MTHFD1L: variants seen among roughly 807,000 people sequenced by gnomAD.
The protein encoded by MTHFD1L is methylenetetrahydrofolate dehydrogenase (NADP+ dependent) 1 like, also known as monofunctional C1-tetrahydrofolate synthase, mitochondrial.
A neutral mutation model predicts 119.5 loss-of-function variants in MTHFD1L; 81 were observed. That is an observed-to-expected ratio of 0.68 (90% confidence interval 0.57 to 0.82). The LOEUF is 0.82. MTHFD1L is among the 40% of genes least tolerant of loss of function. MTHFD1L has a pLI of 0.00. For synonymous variants in MTHFD1L, 430 were observed against 475.2 expected (o/e 0.90, Z 1.24); for missense variants, 1,125 against 1,253.4 (o/e 0.90, Z 1.55).
chr6:151,091,090 C>T (rs1447597524), intron 26 of MTHFD1L, among the ~76,000 whole-genome samples: 3 of 145,600 alleles, frequency 2.1e-5, no homozygotes, highest in Non-Finnish European at 3.0e-5. Flanking sequence ...CTGGGTGCAG[C>T]ATCGTTCCAT....
At chr6:150,883,951 A>C (rs1207172699) in intron 5 of MTHFD1L, among the ~76,000 whole-genome samples, 1 of 152,084 alleles carries the variant, frequency 6.6e-6, no homozygotes, top group African/African-American at 2.4e-5. Flanking sequence ...GCAATCTTCC[A>C]TTCTAGCCTT....
chr6:150,932,830 G>GAAGGAAGGAAGGAAGGAAGGAAA (rs1791353335), intron 11 of MTHFD1L, among the ~76,000 whole-genome samples: 1 of 100,700 alleles, frequency 9.9e-6, no homozygotes, highest in Admixed American at 1.0e-4. Context: ...AAGGAAGGAA[G>GAAGGAAGGAAGGAAGGAAGGAAA]GAAGGAAGGA....
At chr6:151,037,874 C>G (rs976516244) in intron 26 of MTHFD1L, among the ~76,000 whole-genome samples, 21 of 152,176 alleles carry the variant, frequency 1.4e-4, no homozygotes, top group Admixed American at 6.5e-5. Flanking sequence ...TTCTTACAAC[C>G]TAGCAGATCC....
At chr6:150,992,604 C>T (rs1377086711) in intron 20 of MTHFD1L, among the ~76,000 whole-genome samples, 1 of 152,172 alleles carries the variant, frequency 6.6e-6, no homozygotes, top group Admixed American at 6.5e-5. Flanking sequence ...AGGTTGAGGC[C>T]AGAGCCAAGA....
intron 20 of MTHFD1L, among the ~76,000 whole-genome samples, chr6:151,008,109 A>T (rs936235771): frequency 6.6e-5 from 10 of 152,214 alleles, no homozygotes; most frequent in African/African-American, 2.4e-4. Context: ...CATAGGCACA[A>T]ATATTTTCAG....
At chr6:150,945,576 A>T (rs1189883980) in intron 15 of MTHFD1L, 35 bp downstream of exon 15, 1 of 1,589,162 alleles carries the variant, frequency 6.3e-7, no homozygotes, top group Non-Finnish European at 8.6e-7. Context: ...TAAAAAGAAA[A>T]TATCGTAGAA....
chr6:151,020,268 G>T (rs534379978), intron 24 of MTHFD1L, among the ~76,000 whole-genome samples: 2 of 152,368 alleles, frequency 1.3e-5, no homozygotes, highest in Admixed American at 6.5e-5. Flanking sequence ...ATTTGAATGT[G>T]AAGTAGAAAT....
intron 20 of MTHFD1L, among the ~76,000 whole-genome samples, chr6:150,976,413 G>T (rs946224641): frequency 1.3e-5 from 2 of 152,128 alleles, no homozygotes; most frequent in African/African-American, 4.8e-5. Context: ...CCATCCTTTG[G>T]CATGTGAGCA....
At chr6:151,011,874 G>C (rs758146959) in intron 21 of MTHFD1L, among the ~76,000 whole-genome samples, 2 of 151,534 alleles carry the variant, frequency 1.3e-5, no homozygotes, top group African/African-American at 4.9e-5. Context: ...GGTGGCGGGC[G>C]CCTGTAATTC....
At chr6:151,062,446 CT>C (rs1790756127) in intron 26 of MTHFD1L, among the ~76,000 whole-genome samples, 1 of 152,038 alleles carries the variant, frequency 6.6e-6, no homozygotes, top group Admixed American at 6.6e-5. Flanking sequence ...AAAAAAAGAC[CT>C]TTTGCTCCTC....
intron 26 of MTHFD1L, among the ~76,000 whole-genome samples, chr6:151,091,043 C>T (rs111585563): frequency 6.0e-5 from 7 of 117,386 alleles, no homozygotes; most frequent in South Asian, 2.7e-4. Context: ...GGTGCAGCAT[C>T]GCCCCATGCG....
intron 26 of MTHFD1L, chr6:151,041,716 G>A: frequency 2.1e-6 from 1 of 484,546 alleles, no homozygotes; most frequent in Admixed American, 2.3e-5. Context: ...AACCATACAG[G>A]CACAGAATGC....
rs77819405 is a variant in MTHFD1L, at chr6:150,895,816, T to C, written c.780+7835T>C. ...CGGGAGAAGGAAGGAACTCTAGCTT[T>C]TAAACTGCACTACATTAGTGAGTTA... On this transcript the variant is annotated intron_variant, in intron 7 of 27. Transcript: ENST00000367321. 2.8e-3 allele frequency among the ~76,000 whole-genome samples: 434 copies of C among 152,312 alleles called. 3 individuals are homozygous for C. The highest frequency in any genetic ancestry group is 9.8e-3 in the African/African-American group (406 of 41,576).
At chr6:151,064,260 T>C (rs760183636) in intron 26 of MTHFD1L, among the ~76,000 whole-genome samples, 24 of 152,176 alleles carry the variant, frequency 1.6e-4, no homozygotes, top group Non-Finnish European at 3.1e-4. Context: ...ATCTGAAATG[T>C]TTTGCTTTTA....
chr6:150,878,953 G>A (rs942986328), intron 4 of MTHFD1L, among the ~76,000 whole-genome samples: 2 of 152,110 alleles, frequency 1.3e-5, no homozygotes, highest in African/African-American at 4.8e-5. Context: ...ACAGGCCCCT[G>A]CTGTCTTTAA....
chr6:150,891,550 TATTA>T (rs1282246292), intron 7 of MTHFD1L, among the ~76,000 whole-genome samples: 1 of 148,120 alleles, frequency 6.8e-6, no homozygotes, highest in Admixed American at 6.8e-5. Flanking sequence ...TATTATTATG[TATTA>T]ATTATATAAT....
At position 150,986,387 on chromosome 6, in the gene MTHFD1L, C is replaced by T. The variant is rs146846052; in HGVS notation, c.2125+14329C>T. 1.6e-3 allele frequency among the ~76,000 whole-genome samples: 243 copies of T among 152,262 alleles called. 1 individual carries two copies. Among genetic ancestry groups the T allele is most frequent in the African/African-American group, 5.4e-3 (225 of 41,558 alleles). ...TAAATTCCAACTGTCATGGGGAATC[C>T]CAAGACCTACATCTGTATGTATGTG... On this transcript the variant is annotated intron_variant, in intron 20 of 27. Coordinates refer to ENST00000367321, the MANE Select transcript of MTHFD1L (RefSeq NM_015440.5).
chr6:150,889,142 A>G (rs1583396663), intron 7 of MTHFD1L, among the ~76,000 whole-genome samples: 1 of 151,428 alleles, frequency 6.6e-6, no homozygotes, highest in Non-Finnish European at 1.5e-5. Flanking sequence ...GTGCCACTGC[A>G]CTCCAGCCTG....
At position 151,100,832 on chromosome 6, in the gene MTHFD1L, T is replaced by C. The variant is rs143042584; in HGVS notation, c.*32-694T>C. ...CTTTCTGTGCCTACTCTATAAAACC[T>C]AAAAATCCAAGGTGACAGTATTCCT... On this transcript the variant is annotated intron_variant, in intron 27 of 27. Coordinates refer to ENST00000367321, the MANE Select transcript of MTHFD1L (RefSeq NM_015440.5). 8.2e-3 allele frequency among the ~76,000 whole-genome samples: 1,252 copies of C among 152,154 alleles called. 11 individuals carry two copies. The highest frequency in any genetic ancestry group is 0.028 in the African/African-American group (1,181 of 41,506).
Sources: allele counts gnomAD v4.1 joint callset (sites outside exome capture counted in the v4.1 genomes callset), GRCh38; gene constraint gnomAD v4.1.1; transcripts MANE v1.5; gene names NCBI Gene and HGNC (gene_info 2026-07-23, HGNC 2026-07-21).